MS4A6A: variants seen among roughly 807,000 people sequenced by gnomAD.
The protein encoded by MS4A6A is membrane spanning 4-domains A6A, also known as membrane-spanning 4-domains subfamily A member 6A.
In MS4A6A, 19 loss-of-function variants were observed where a neutral mutation model predicts 20.6. The ratio of observed to expected loss-of-function variants is 0.92; its 90% confidence interval spans 0.64 to 1.36. The LOEUF (loss-of-function observed/expected upper bound fraction) is 1.36, where lower values mean the gene tolerates loss of function less well. MS4A6A is among the 40% of genes most tolerant of loss of function. MS4A6A has a pLI of 0.00. For missense variants in MS4A6A, 272 were observed against 261.1 expected (o/e 1.04, Z -0.29); for synonymous variants, 108 against 105.0 (o/e 1.03, Z -0.17).
In MS4A6A at chr11:60,179,857, C is replaced by T. The variant is rs766394874; in HGVS notation, c.256G>A (p.Ala86Thr). The T allele has an allele frequency of 6.8e-6, 11 of 1,614,088 alleles. No individual in the cohort carries two copies. Among genetic ancestry groups the T allele is most frequent in the African/African-American group, 1.3e-5 (1 of 75,014 alleles). The change falls in exon 3 of 6, where the codon GCT becomes ACT. Residue 86 changes from alanine to threonine, a missense_variant. Physicochemically the swap from Ala to Thr is moderately conservative, Grantham distance 58 (BLOSUM62 0). Transcript: ENST00000528851. ...TQVTSTLLNSAYPFIGPFFFI... is the reference protein window; with the variant it reads ...TQVTSTLLNSTYPFIGPFFFI... ...AAAAAGGGTCCTATGAATGGGTAAG[C>T]AGAGTTCAACAGTGTAGAAGTCACT...
At chr11:60,172,366 T>G (rs908925600), downstream of MS4A6A, 1 of 1,481,144 alleles carries the variant, frequency 6.8e-7, no homozygotes, top group African/African-American at 1.4e-5. Context: ...CCAAGATAAG[T>G]AGAGCATATC....
chr11:60,175,670 C>A, intron 4 of MS4A6A, 59 bp from the exon 5 acceptor site: 2 of 1,548,886 alleles, frequency 1.3e-6, no homozygotes, highest in South Asian at 1.1e-5. Flanking sequence ...TGTTATGCAT[C>A]TTTGCCATTA....
rs201014833 is a variant in MS4A6A, at chr11:60,179,832, A to G, written c.281T>C (p.Phe94Ser). The change falls in exon 3 of 6, where the codon TTT becomes TCT. Residue 94 changes from phenylalanine to serine, a missense_variant and splice_region_variant. Coordinates refer to ENST00000528851, the MANE Select transcript of MS4A6A (RefSeq NM_022349.4). ...NSAYPFIGPF[F>S]FIISGSLSIA... ...GCCCTCCTCAGAAACTCTACTCACA[A>G]AAAAGGGTCCTATGAATGGGTAAGC... 2 of 1,614,032 alleles carry G rather than the reference A, an allele frequency of 1.2e-6. No individual in the cohort carries two copies. Among genetic ancestry groups the G allele is most frequent in the East Asian group, 4.5e-5 (2 of 44,838 alleles).
At chr11:60,182,916 T>C in intron 1 of MS4A6A, 62 bp downstream of exon 1, 1 of 1,017,480 alleles carries the variant, frequency 9.8e-7, no homozygotes, top group Non-Finnish European at 1.3e-6. Context: ...GTTAAATTAC[T>C]CCTCTAATGA....
At position 60,179,844 on chromosome 11, in the gene MS4A6A, A is replaced by T; in HGVS notation, c.269T>A (p.Ile90Lys). 6.2e-7 allele frequency: 1 copy of T among 1,614,130 alleles called. No homozygotes were observed. Among genetic ancestry groups the T allele is most frequent in the Non-Finnish European group, 8.5e-7 (1 of 1,180,012 alleles). ...AACTCTACTCACAAAAAAGGGTCCT[A>T]TGAATGGGTAAGCAGAGTTCAACAG... is the stretch of plus-strand genomic sequence containing the variant. Reference protein sequence around the residue: ...STLLNSAYPFIGPFFFIISGS... With the variant: ...STLLNSAYPFKGPFFFIISGS... Residue 90 changes from isoleucine to lysine, a missense_variant, in exon 3 of 6, where the codon ATA becomes AAA. Coordinates refer to ENST00000528851, the MANE Select transcript of MS4A6A (RefSeq NM_022349.4).
chr11:60,181,377 T>A lies in MS4A6A; in HGVS notation c.147+204A>T, dbSNP rs1034834068. 133 of 595,904 alleles carry A rather than the reference T, an allele frequency of 2.2e-4. 1 individual carries two copies. Among genetic ancestry groups the A allele is most frequent in the Middle Eastern group, 9.0e-4 (2 of 2,234 alleles). The allele number at this position is 595,904 out of a possible 1,614,324, so 36.9% of individuals were successfully genotyped here. A position where few individuals can be genotyped will look rare whatever the true frequency, so the allele number is the denominator to read the frequency against. ...AACAATAGAAAATCAATTCCTCATATTCAGAATAAGGGAAAATATATTTTT... is the reference window on the plus strand; with the variant it reads ...AACAATAGAAAATCAATTCCTCATAATCAGAATAAGGGAAAATATATTTTT... On this transcript the variant is annotated intron_variant, in intron 2 of 5. Transcript: ENST00000528851.
chr11:60,183,244 A>G (rs1158528070), upstream of MS4A6A: 4 of 1,443,668 alleles, frequency 2.8e-6, no homozygotes, highest in Admixed American at 4.0e-5. Context: ...TTCAGGAGTC[A>G]TGGAGCCTTA....
intron 2 of MS4A6A, 167 bp from the exon 3 acceptor site, chr11:60,180,132 G>T: frequency 1.4e-6 from 1 of 690,712 alleles, no homozygotes; most frequent in Non-Finnish European, 2.4e-6. Context: ...ACATCCTGGA[G>T]GGTGTGCAGC....
intron 3 of MS4A6A, 163 bp from the exon 4 acceptor site, chr11:60,178,479 A>G (rs1856963275): frequency 3.6e-6 from 2 of 551,164 alleles, no homozygotes; most frequent in East Asian, 6.1e-5. Flanking sequence ...CTTTGTCCAT[A>G]TAACATTCAG....
intron 4 of MS4A6A, among the ~76,000 whole-genome samples, chr11:60,177,578 G>GTT (rs148700655): frequency 5.3e-5 from 8 of 151,988 alleles, no homozygotes; most frequent in South Asian, 2.1e-4. Flanking sequence ...TTGTTGTTTT[G>GTT]TTTTTTTGTT....
intron 5 of MS4A6A, among the ~76,000 whole-genome samples, chr11:60,173,743 G>T (rs975217421): frequency 1.2e-4 from 18 of 148,432 alleles, no homozygotes; most frequent in Non-Finnish European, 2.4e-4. Context: ...TCTTTTTTTT[G>T]GGGGTGTAAC....
intron 2 of MS4A6A, chr11:60,180,191 G>A: frequency 1.8e-6 from 1 of 567,424 alleles, no homozygotes; most frequent in Non-Finnish European, 3.1e-6. Flanking sequence ...GCTCAGGAAG[G>A]CTTCTGCATT....
intron 5 of MS4A6A, 128 bp downstream of exon 5, chr11:60,175,274 A>G: frequency 1.4e-6 from 1 of 690,506 alleles, no homozygotes; most frequent in Admixed American, 2.8e-5. Context: ...TTTGATTTAC[A>G]TAAACCTGGC....
chr11:60,181,416 GT>G (rs1190771502), intron 2 of MS4A6A, 164 bp downstream of exon 2: 10 of 690,546 alleles, frequency 1.4e-5, no homozygotes, highest in Non-Finnish European at 2.4e-5. Context: ...ACAACCTCTT[GT>G]GGAAAAGTTC....
intron 2 of MS4A6A, chr11:60,180,952 T>G (rs568016739): frequency 2.3e-4 from 99 of 429,844 alleles, no homozygotes; most frequent in Non-Finnish European, 4.3e-4. Context: ...GGTCCTGAAA[T>G]CCAGTCAAAC....
At chr11:60,181,826 A>G in intron 1 of MS4A6A, 85 bp from the exon 2 acceptor site, 2 of 1,352,914 alleles carry the variant, frequency 1.5e-6, no homozygotes, top group Non-Finnish European at 1.0e-6. Flanking sequence ...AGTCTTTGCC[A>G]ATTAGTCTAG....
intron 5 of MS4A6A, among the ~76,000 whole-genome samples, chr11:60,173,729 T>C (rs1011882901): frequency 1.3e-5 from 2 of 152,180 alleles, no homozygotes; most frequent in African/African-American, 4.8e-5. Flanking sequence ...TTTTTTCTTT[T>C]TTTTCTTTTT....
chr11:60,178,658 A>T (rs981980593), intron 3 of MS4A6A: 2 of 211,176 alleles, frequency 9.5e-6, no homozygotes, highest in African/African-American at 2.5e-5. Flanking sequence ...AGCAATGGTT[A>T]AAAAAAAAAG....
rs1368769298 is a variant in MS4A6A at position 60,179,838 on chromosome 11, G to C, written c.275C>G (p.Pro92Arg). The C allele has an allele frequency of 1.9e-6, 3 of 1,613,978 alleles. No individual in the cohort carries two copies. Among genetic ancestry groups the C allele is most frequent in the African/African-American group, 2.7e-5 (2 of 74,886 alleles). ...CTCAGAAACTCTACTCACAAAAAAGGGTCCTATGAATGGGTAAGCAGAGTT... is the reference window on the plus strand; with the variant it reads ...CTCAGAAACTCTACTCACAAAAAAGCGTCCTATGAATGGGTAAGCAGAGTT... ...LLNSAYPFIG[P>R]FFFIISGSLS... Residue 92 changes from proline (P) to arginine (R), a missense_variant, in exon 3 of 6, where the codon CCC becomes CGC. Transcript: ENST00000528851.
Sources: allele counts gnomAD v4.1 joint callset (sites outside exome capture counted in the v4.1 genomes callset), GRCh38; gene constraint gnomAD v4.1.1; transcripts MANE v1.5; gene names NCBI Gene and HGNC (gene_info 2026-07-23, HGNC 2026-07-21).